TMEM245: variants seen among roughly 807,000 people sequenced by gnomAD.
TMEM245 encodes protein CG-2.
TMEM245 carries 69 observed loss-of-function variants against 101.2 expected under a neutral mutation model. The observed-to-expected ratio is 0.68, with a 90% CI of 0.56 to 0.83. The LOEUF is 0.83. Among genes scored for constraint, TMEM245 ranks in the 40% least tolerant of loss-of-function variants. TMEM245 has a pLI of 0.00. For synonymous variants in TMEM245, 537 were observed against 449.8 expected, an observed-to-expected ratio of 1.19 and a Z score of -2.45; for missense variants, 1,075 against 1,092.8, an observed-to-expected ratio of 0.98 and a Z score of 0.23.
chr9:109,032,471 A>G (rs1222627110), intron 17 of TMEM245, among the ~76,000 whole-genome samples: 1 of 124,106 alleles, frequency 8.1e-6, no homozygotes, highest in Non-Finnish European at 1.6e-5. Context: ...TGCAACCTCC[A>G]CCTCCCAGGT....
chr9:109,042,611 C>G (rs1309976135), intron 14 of TMEM245: 1 of 152,030 alleles, frequency 6.6e-6, no homozygotes, highest in Non-Finnish European at 1.5e-5. Flanking sequence ...GTCCACATGT[C>G]TCCTTCATTC....
chr9:109,073,122 C>A, intron 9 of TMEM245: 1 of 494,698 alleles, frequency 2.0e-6, no homozygotes, highest in Non-Finnish European at 3.7e-6. Flanking sequence ...CTGTAAACCT[C>A]AATTATAAAA....
At chr9:109,102,912 C>A (rs983062582) in intron 3 of TMEM245, among the ~76,000 whole-genome samples, 1 of 152,216 alleles carries the variant, frequency 6.6e-6, no homozygotes, top group Non-Finnish European at 1.5e-5. Flanking sequence ...TGCTTCCACA[C>A]GGCTGGGTAA....
intron 14 of TMEM245, among the ~76,000 whole-genome samples, chr9:109,049,766 G>A (rs1387697427): frequency 6.6e-6 from 1 of 152,132 alleles, no homozygotes; most frequent in Non-Finnish European, 1.5e-5. Flanking sequence ...GGCAGAGACT[G>A]CACTAAGCCA....
At chr9:109,057,403 G>A (rs2132420779) in intron 11 of TMEM245, 81 bp from the exon 12 acceptor site, 2 of 1,513,976 alleles carry the variant, frequency 1.3e-6, no homozygotes, top group Non-Finnish European at 1.8e-6. Context: ...TTTTGCTTCA[G>A]GTCCCCTTCA....
chr9:109,117,263 C>G (rs1198176214), intron 1 of TMEM245, among the ~76,000 whole-genome samples: 1 of 150,508 alleles, frequency 6.6e-6, no homozygotes, highest in East Asian at 2.0e-4. Context: ...GTGCCCACCA[C>G]CACACCCAGC....
At chr9:109,065,870 G>C (rs149668948) in intron 9 of TMEM245, among the ~76,000 whole-genome samples, 1 of 152,032 alleles carries the variant, frequency 6.6e-6, no homozygotes, top group Non-Finnish European at 1.5e-5. Flanking sequence ...AACACAAAAG[G>C]GTCAATTAGG....
At chr9:109,079,279 A>G (rs1273833453) in intron 8 of TMEM245, among the ~76,000 whole-genome samples, 1 of 151,996 alleles carries the variant, frequency 6.6e-6, no homozygotes, top group African/African-American at 2.4e-5. Flanking sequence ...ATCCCAGGAC[A>G]TATTAGGAAG....
chr9:109,096,314 T>C (rs1362517353), intron 3 of TMEM245, among the ~76,000 whole-genome samples: 1 of 152,072 alleles, frequency 6.6e-6, no homozygotes, highest in Non-Finnish European at 1.5e-5. Flanking sequence ...CCGTCTCTAC[T>C]AAAAACACAA....
intron 16 of TMEM245, among the ~76,000 whole-genome samples, chr9:109,035,434 TTATTG>T (rs905793195): frequency 6.6e-6 from 1 of 152,146 alleles, no homozygotes; most frequent in African/African-American, 2.4e-5. Context: ...AGACATTTAT[TTATTG>T]TATTATATGG....
In TMEM245 at chr9:109,036,207, C is replaced by G; in HGVS notation, c.2398G>C (p.Gly800Arg). ...VDTAIYSDIS[G>R]GGHPYLTGLA... ...TAAGAAATTCTGTGGCTTACTTACC[C>G]TGATATGTCAGAGTAGATTGCAGTA... The change falls in exon 16 of 18, where the codon GGA becomes CGA. Residue 800 changes from glycine (G) to arginine (R), a missense_variant and splice_region_variant. Physicochemically the swap from Gly to Arg is moderately radical, Grantham distance 125. Around this residue, in one of 2 missense-constraint regions of TMEM245, gnomAD observed 267 missense variants for 351.3 expected, o/e 0.76. Coordinates refer to ENST00000374586, the MANE Select transcript of TMEM245 (RefSeq NM_032012.4). 6.3e-7 allele frequency: 1 copy of G among 1,588,942 alleles called. No individual in the cohort carries two copies. Among genetic ancestry groups the G allele is most frequent in the Non-Finnish European group, 8.5e-7 (1 of 1,172,266 alleles).
At chr9:109,094,062 A>T (rs977761323) in intron 3 of TMEM245, among the ~76,000 whole-genome samples, 1 of 152,228 alleles carries the variant, frequency 6.6e-6, no homozygotes, top group Admixed American at 6.5e-5. Flanking sequence ...TATTATGCAA[A>T]ACCATATAGA....
In TMEM245 at chr9:109,057,231, A is replaced by G. The variant is rs1212773679; in HGVS notation, c.1814T>C (p.Ile605Thr). 1.2e-6 allele frequency: 2 copies of G among 1,614,148 alleles called. No homozygotes were observed. Among genetic ancestry groups the G allele is most frequent in the Non-Finnish European group, 1.7e-6 (2 of 1,179,980 alleles). Reference protein sequence around the residue: ...WLGDILDWQDIVSFVHENIET... With the variant: ...WLGDILDWQDTVSFVHENIET... ...AATGTTCTCGTGAACAAAGGAAACA[A>G]TATCCTGCCAGTCCAGAATGTCTCC... The change falls in exon 12 of 18, where the codon ATT (isoleucine) becomes ACT (threonine). Residue 605 changes from isoleucine (I) to threonine (T), a missense_variant. By Grantham distance (89) the Ile-to-Thr change is moderately conservative. Around this residue, in one of 2 missense-constraint regions of TMEM245, gnomAD observed 267 missense variants for 351.3 expected, o/e 0.76. Coordinates refer to ENST00000374586, the MANE Select transcript of TMEM245 (RefSeq NM_032012.4).
intron 14 of TMEM245, 29 bp from the exon 15 acceptor site, chr9:109,038,146 G>A: frequency 6.4e-7 from 1 of 1,562,458 alleles, no homozygotes. Context: ...AAAAGAAAGA[G>A]TAAATAAACA....
chr9:109,055,756 TC>T (rs1828814410), intron 12 of TMEM245, among the ~76,000 whole-genome samples: 1 of 152,104 alleles, frequency 6.6e-6, no homozygotes, highest in East Asian at 1.9e-4. Flanking sequence ...TGCCTCAGCC[TC>T]CCGAGTATCT....
At position 109,016,949 on chromosome 9, in the gene TMEM245, T is replaced by C. The variant is rs7340; in HGVS notation, c.*3511A>G. ...AGGGTTTTTGTATTTTGTTTTTTTTTCCTATAAACCCTGAGGTTGAAAGCT... is the reference window on the plus strand; with the variant it reads ...AGGGTTTTTGTATTTTGTTTTTTTTCCCTATAAACCCTGAGGTTGAAAGCT... On this transcript the variant is annotated 3_prime_UTR_variant, in exon 18 of 18. Coordinates refer to ENST00000374586, the MANE Select transcript of TMEM245 (RefSeq NM_032012.4). The C allele has an allele frequency of 0.2, 30,754 of 151,220 alleles. 3,236 individuals are homozygous for C. The highest frequency in any genetic ancestry group is 0.34 in the South Asian group (1,652 of 4,790). The allele number at this position is 151,220 out of a possible 1,614,324, so 9.4% of individuals were successfully genotyped here.
intron 3 of TMEM245, among the ~76,000 whole-genome samples, chr9:109,095,484 A>C (rs535611784): frequency 6.6e-6 from 1 of 152,332 alleles, no homozygotes; most frequent in South Asian, 2.1e-4. Context: ...ACAGTGAAAG[A>C]AGGTCAGTGT....
chr9:109,075,413 G>C (rs971613781), intron 8 of TMEM245, among the ~76,000 whole-genome samples: 1 of 152,174 alleles, frequency 6.6e-6, no homozygotes, highest in Non-Finnish European at 1.5e-5. Flanking sequence ...TTTGCTAACT[G>C]AACAACACTG....
At chr9:109,097,905 A>C (rs2417975) in intron 3 of TMEM245, among the ~76,000 whole-genome samples, 65,081 of 152,044 alleles carry the variant, frequency 0.43, 14,202 homozygotes, top group African/African-American at 0.47. Flanking sequence ...GGCGACAGAG[A>C]GAGATTCCGT....
Sources: allele counts gnomAD v4.1 joint callset (sites outside exome capture counted in the v4.1 genomes callset), GRCh38; gene constraint gnomAD v4.1.1; regional missense constraint gnomAD v4.1.1; transcripts MANE v1.5; gene names NCBI Gene and HGNC (gene_info 2026-07-23, HGNC 2026-07-21).